MAP3K7CL: variants seen among roughly 807,000 people sequenced by gnomAD.
The protein encoded by MAP3K7CL is MAP3K7 C-terminal like.
MAP3K7CL carries 16 observed loss-of-function variants against 18.6 expected under a neutral mutation model. That is an observed-to-expected ratio of 0.86 (90% CI 0.58 to 1.31). The LOEUF (loss-of-function observed/expected upper bound fraction) is 1.31, where lower values mean the gene tolerates loss of function less well. MAP3K7CL is among the 50% of genes most tolerant of loss of function. The pLI, the probability that MAP3K7CL is intolerant of heterozygous loss-of-function variation, is 0.00. For synonymous variants in MAP3K7CL, 65 were observed against 66.8 expected (o/e 0.97, Z 0.13); for missense variants, 163 against 174.4 (o/e 0.93, Z 0.37).
chr21:29,100,150 C>T (rs1568935019), intron 4 of MAP3K7CL, among the ~76,000 whole-genome samples: 1 of 151,910 alleles, frequency 6.6e-6, no homozygotes, highest in Non-Finnish European at 1.5e-5. Context: ...AGCGGCAGCC[C>T]GAATGAATAG....
At chr21:29,079,951 C>T (rs146635831) in intron 1 of MAP3K7CL, among the ~76,000 whole-genome samples, 31 of 152,166 alleles carry the variant, frequency 2.0e-4, no homozygotes, top group Middle Eastern at 3.4e-3. Flanking sequence ...TTAGTTGTCC[C>T]GGTGTCTTTT....
intron 4 of MAP3K7CL, chr21:29,109,314 A>T (rs192698396): frequency 1.4e-6 from 2 of 1,452,528 alleles, no homozygotes; most frequent in East Asian, 5.1e-5. Flanking sequence ...TAATGCCATG[A>T]TCACTATTCC....
chr21:29,166,431 T>C (rs545002231), intron 4 of MAP3K7CL, among the ~76,000 whole-genome samples: 6 of 152,352 alleles, frequency 3.9e-5, no homozygotes, highest in African/African-American at 7.2e-5. Context: ...GACACGTAGG[T>C]TGATCCTATA....
chr21:29,172,946 T>G (rs928774696), intron 4 of MAP3K7CL, among the ~76,000 whole-genome samples: 8 of 151,874 alleles, frequency 5.3e-5, no homozygotes, highest in Admixed American at 1.3e-4. Context: ...TCTTTTCATA[T>G]TATGTAGTGT....
chr21:29,135,523 CT>C lies in MAP3K7CL; in HGVS notation c.70+2110del, dbSNP rs1428603613. Among the ~76,000 whole-genome samples, 7 of 152,294 alleles carry C rather than the reference CT, an allele frequency of 4.6e-5. 1 individual carries two copies. The South Asian group carries it at 1.2e-3, about 27-fold the overall frequency. Reference sequence around the variant, plus strand: ...TGGACCAAATAAATGTACTGTTCCCCTGTCAACATTTTAACAGGAACTTAAT... The same window carrying C: ...TGGACCAAATAAATGTACTGTTCCCCGTCAACATTTTAACAGGAACTTAAT... On this transcript the variant is annotated intron_variant, in intron 2 of 4. Coordinates refer to ENST00000399928, the MANE Select transcript of MAP3K7CL (RefSeq NM_001286620.2).
At chr21:29,151,332 C>T (rs1020912444) in intron 3 of MAP3K7CL, among the ~76,000 whole-genome samples, 1 of 151,792 alleles carries the variant, frequency 6.6e-6, no homozygotes, top group African/African-American at 2.4e-5. Flanking sequence ...TGGCACACAC[C>T]TATAGTCCCA....
intron 1 of MAP3K7CL, among the ~76,000 whole-genome samples, chr21:29,089,202 G>C (rs1399019055): frequency 1.4e-5 from 1 of 69,390 alleles, no homozygotes; most frequent in African/African-American, 6.4e-5. Flanking sequence ...AAAAAAAAAA[G>C]ACACTGGTCC....
intron 4 of MAP3K7CL, among the ~76,000 whole-genome samples, chr21:29,098,789 A>C (rs1002570653): frequency 2.4e-4 from 37 of 152,038 alleles, no homozygotes; most frequent in African/African-American, 8.4e-4. Context: ...TTAAGCACTG[A>C]AGGAGATTTG....
intron 4 of MAP3K7CL, among the ~76,000 whole-genome samples, chr21:29,163,229 C>T (rs2087598040): frequency 6.6e-6 from 1 of 152,218 alleles, no homozygotes; most frequent in African/African-American, 2.4e-5. Flanking sequence ...GCCGGACCCC[C>T]TCCTTAATTA....
At chr21:29,163,763 A>G (rs1427242850) in intron 4 of MAP3K7CL, among the ~76,000 whole-genome samples, 1 of 147,274 alleles carries the variant, frequency 6.8e-6, no homozygotes, top group Admixed American at 6.9e-5. Context: ...TGATGCAATC[A>G]TAGCTCACTG....
rs1356656627 is a variant in MAP3K7CL at position 29,162,244 on chromosome 21, CTATT to C, written c.248+2192_248+2195del. Among the ~76,000 whole-genome samples, 9 of 150,598 alleles carry C rather than the reference CTATT, an allele frequency of 6.0e-5. No individual in the cohort carries two copies. The East Asian group carries it at 1.4e-3, about 23-fold the overall frequency. On this transcript the variant is annotated intron_variant, in intron 4 of 4. Transcript: ENST00000399928. ...AGAAAAATCCTCAGTAATTATGTCT[CTATT>C]TATAAACTCTTCAGACTGAAGGTAC...
In MAP3K7CL at chr21:29,114,484, G is replaced by T. The variant is rs992511340; in HGVS notation, c.370+21903G>T. Among the ~76,000 whole-genome samples the T allele has an allele frequency of 3.3e-5, 5 of 152,040 alleles. No homozygotes were observed. In the South Asian group the frequency reaches 1.0e-3, roughly 32 times the overall value. On this transcript the variant is annotated intron_variant, in intron 4 of 6. Coordinates refer to the MAP3K7CL transcript ENST00000286791. ...CGGCTCACTGCAACCTCGACCTCTCGAGCTCAATTGATCCTCCCACCTCAG... is the reference window on the plus strand; with the variant it reads ...CGGCTCACTGCAACCTCGACCTCTCTAGCTCAATTGATCCTCCCACCTCAG...
chr21:29,134,195 A>G (rs1046848994), intron 2 of MAP3K7CL, among the ~76,000 whole-genome samples: 4 of 151,982 alleles, frequency 2.6e-5, no homozygotes, highest in Admixed American at 1.3e-4. Context: ...CTCTCTTGCT[A>G]TAATGCCCAT....
At chr21:29,119,636 T>C (rs1453417035) in intron 4 of MAP3K7CL, among the ~76,000 whole-genome samples, 6 of 151,944 alleles carry the variant, frequency 3.9e-5, no homozygotes, top group Admixed American at 3.3e-4. Context: ...GATATAAGAA[T>C]TTTGTTGAAG....
chr21:29,172,241 C>CTTTTTTTTGTTTTTTTTTTTT (rs2087853662), intron 4 of MAP3K7CL, among the ~76,000 whole-genome samples: 1 of 126,250 alleles, frequency 7.9e-6, no homozygotes, highest in Non-Finnish European at 1.6e-5. Context: ...TTGTCATTTT[C>CTTTTTTTTGTTTTTTTTTTTT]TTTTTTTTTT....
At chr21:29,092,006 C>G (rs1403901979) in intron 3 of MAP3K7CL, among the ~76,000 whole-genome samples, 5 of 152,136 alleles carry the variant, frequency 3.3e-5, no homozygotes, top group Non-Finnish European at 1.5e-5. Context: ...TACTGCAGAG[C>G]TGGGATTGCA....
At chr21:29,083,595 C>G (rs554542541), upstream of MAP3K7CL, among the ~76,000 whole-genome samples, 31 of 152,126 alleles carry the variant, frequency 2.0e-4, no homozygotes, top group South Asian at 6.0e-3. Context: ...TATGAATCTT[C>G]CAATGTTTTT....
At chr21:29,154,541 A>G (rs938813006) in intron 3 of MAP3K7CL, among the ~76,000 whole-genome samples, 7 of 152,156 alleles carry the variant, frequency 4.6e-5, no homozygotes, top group Admixed American at 1.3e-4. Context: ...CACCTCCACA[A>G]ATAAACAATT....
At chr21:29,098,239 A>G (rs375873047) in intron 4 of MAP3K7CL, among the ~76,000 whole-genome samples, 4 of 152,190 alleles carry the variant, frequency 2.6e-5, no homozygotes, top group Non-Finnish European at 4.4e-5. Flanking sequence ...AAAATTTTTA[A>G]GAGGGATTTT....
Sources: gnomAD v4.1 joint callset for allele counts (sites outside exome capture counted in the v4.1 genomes callset) on GRCh38, gnomAD v4.1.1 for gene constraint, MANE v1.5 for transcripts, NCBI Gene and HGNC (gene_info 2026-07-23, HGNC 2026-07-21) for gene names.